The following RALGAPA1 variants were observed in gnomAD, a reference collection of about 807,000 sequenced individuals.
RALGAPA1 encodes ral GTPase-activating protein subunit alpha-1.
RALGAPA1 carries 52 observed loss-of-function variants against 269.6 expected under a neutral mutation model. The observed-to-expected ratio is 0.19, with a 90% CI of 0.15 to 0.24. The LOEUF is 0.24. RALGAPA1 is among the 10% of genes least tolerant of loss of function. The probability of loss-of-function intolerance (pLI) is 1.00; values close to 1 mark genes in which losing one functional copy is unlikely to be tolerated. For missense variants in RALGAPA1, 1,917 were observed against 3,013.9 expected, an observed-to-expected ratio of 0.64 and a Z score of 8.52; for synonymous variants, 817 against 1,008.3, an observed-to-expected ratio of 0.81 and a Z score of 3.60.
At chr14:35,582,506 C>T (rs564811401) in intron 37 of RALGAPA1, among the ~76,000 whole-genome samples, 19 of 152,294 alleles carry the variant, frequency 1.2e-4, no homozygotes, top group African/African-American at 4.6e-4. Context: ...CAGATAATTA[C>T]AGCTGACTGA....
intron 36 of RALGAPA1, 28 bp downstream of exon 36, chr14:35,605,558 A>C: frequency 6.4e-7 from 1 of 1,552,974 alleles, no homozygotes; most frequent in South Asian, 1.3e-5. Flanking sequence ...TCCAAATATA[A>C]ATATTTCGTA....
At chr14:35,742,205 A>C (rs192051935) in intron 11 of RALGAPA1, among the ~76,000 whole-genome samples, 163 bp downstream of exon 11, 26 of 152,354 alleles carry the variant, frequency 1.7e-4, no homozygotes, top group African/African-American at 6.0e-4. Context: ...GCTATACGGT[A>C]CTGAGATGAC....
intron 30 of RALGAPA1, among the ~76,000 whole-genome samples, chr14:35,652,409 A>T (rs1291301073): frequency 1.3e-5 from 2 of 151,394 alleles, no homozygotes; most frequent in South Asian, 2.1e-4. Flanking sequence ...AGGCTTTTTT[A>T]AAAATGTGAC....
chr14:35,750,830 C>G (rs2072613890), intron 8 of RALGAPA1, 140 bp from the exon 9 acceptor site: 1 of 706,222 alleles, frequency 1.4e-6, no homozygotes, highest in African/African-American at 1.8e-5. Context: ...AATGACATTT[C>G]AAAATTTGCC....
chr14:35,669,160 T>G (rs893015955), intron 26 of RALGAPA1, among the ~76,000 whole-genome samples: 1 of 152,246 alleles, frequency 6.6e-6, no homozygotes, highest in African/African-American at 2.4e-5. Context: ...CACCAAATAA[T>G]TTTAACAAAC....
chr14:35,715,382 T>C (rs963844456), intron 16 of RALGAPA1, among the ~76,000 whole-genome samples: 13 of 152,324 alleles, frequency 8.5e-5, no homozygotes, highest in African/African-American at 3.1e-4. Flanking sequence ...CAAAGTTCTA[T>C]TTGATTCTTT....
At chr14:35,734,643 G>A (rs1375951818) in intron 12 of RALGAPA1, among the ~76,000 whole-genome samples, 3 of 152,076 alleles carry the variant, frequency 2.0e-5, no homozygotes, top group African/African-American at 7.2e-5. Context: ...CATTGGCTTA[G>A]GCAAGGATTT....
rs34164383 is a variant in RALGAPA1 at position 35,781,575 on chromosome 14, A to AATCT, written c.107-5834_107-5831dup. On this transcript the variant is annotated intron_variant, in intron 1 of 41. Transcript: ENST00000680220. ...TCCTCAACAAAATACTAGAAAACTG[A>AATCT]ATCTATCTATCTATCTATCTATCTA... 1.1e-3 allele frequency among the ~76,000 whole-genome samples: 171 copies of AATCT among 150,842 alleles called. 1 individual carries two copies. The highest frequency in any genetic ancestry group is 6.8e-3 in the Middle Eastern group (2 of 294).
chr14:35,634,460 A>T, intron 33 of RALGAPA1, 114 bp downstream of exon 33: 2 of 749,396 alleles, frequency 2.7e-6, no homozygotes, highest in Non-Finnish European at 4.0e-6. Flanking sequence ...ATACATGGTT[A>T]AACAACTACA....
chr14:35,551,124 T>C (rs1192200189), intron 39 of RALGAPA1, among the ~76,000 whole-genome samples: 2 of 152,164 alleles, frequency 1.3e-5, no homozygotes, highest in African/African-American at 4.8e-5. Context: ...ATACTGGCCT[T>C]TGTGTATTAC....
intron 13 of RALGAPA1, among the ~76,000 whole-genome samples, chr14:35,726,807 C>G (rs1280527725): frequency 6.6e-6 from 1 of 152,124 alleles, no homozygotes; most frequent in African/African-American, 2.4e-5. Flanking sequence ...AGATAATTGT[C>G]CAATGTAGTT....
intron 12 of RALGAPA1, among the ~76,000 whole-genome samples, chr14:35,729,319 C>T (rs2070253213): frequency 1.3e-5 from 2 of 151,964 alleles, no homozygotes; most frequent in Admixed American, 1.3e-4. Context: ...AAGCATTCAA[C>T]ACTTATGACT....
chr14:35,733,269 G>C (rs2070675976), intron 12 of RALGAPA1, among the ~76,000 whole-genome samples: 1 of 152,040 alleles, frequency 6.6e-6, no homozygotes, highest in African/African-American at 2.4e-5. Flanking sequence ...CCTGAGTGTG[G>C]GAGTTCAAGA....
intron 1 of RALGAPA1, among the ~76,000 whole-genome samples, chr14:35,798,203 G>A (rs568410342): frequency 9.2e-4 from 136 of 148,404 alleles, no homozygotes; most frequent in Non-Finnish European, 1.7e-3. Flanking sequence ...ACCCGGTCTT[G>A]GACTGTCGCC....
intron 1 of RALGAPA1, among the ~76,000 whole-genome samples, chr14:35,795,518 T>C (rs2076496959): frequency 6.6e-6 from 1 of 152,050 alleles, no homozygotes; most frequent in Non-Finnish European, 1.5e-5. Context: ...AAAAATAAAA[T>C]CTCATAATTT....
rs180814423 is a variant in RALGAPA1 at position 35,794,792 on chromosome 14, A to C, written c.106+13938T>G. On this transcript the variant is annotated intron_variant, in intron 1 of 41. Transcript: ENST00000680220. ...TTTTAAGTCATTTATTTAATAAAATATACAATCTGTATTTATGTATTGCCA... is the reference window on the plus strand; with the variant it reads ...TTTTAAGTCATTTATTTAATAAAATCTACAATCTGTATTTATGTATTGCCA... 2.5e-3 allele frequency among the ~76,000 whole-genome samples: 376 copies of C among 152,324 alleles called. 2 individuals are homozygous for C. Among genetic ancestry groups the C allele is most frequent in the African/African-American group, 8.7e-3 (360 of 41,564 alleles).
intron 10 of RALGAPA1, among the ~76,000 whole-genome samples, chr14:35,746,665 G>C (rs1445993128): frequency 2.6e-5 from 4 of 152,016 alleles, no homozygotes; most frequent in Non-Finnish European, 5.9e-5. Context: ...ATTCTAAATA[G>C]AAGATCTGAA....
intron 31 of RALGAPA1, among the ~76,000 whole-genome samples, chr14:35,650,488 C>T (rs2062751623): frequency 6.6e-6 from 1 of 152,046 alleles, no homozygotes; most frequent in Non-Finnish European, 1.5e-5. Context: ...AAGAGCTAAA[C>T]AATCTGTTCA....
chr14:35,688,103 A>G lies in RALGAPA1; in HGVS notation c.3952+356T>C, dbSNP rs138089832. ...TTAAACTATAGTGGGGTGGGGAAGA[A>G]AGCATAGTAACTCCTTGATAATCTT... is the stretch of plus-strand genomic sequence containing the variant. On this transcript the variant is annotated intron_variant, in intron 18 of 41. Coordinates refer to ENST00000680220, the MANE Select transcript of RALGAPA1 (RefSeq NM_001346249.2). 5.2e-3 allele frequency among the ~76,000 whole-genome samples: 789 copies of G among 152,338 alleles called. 10 individuals are homozygous for G. The highest frequency in any genetic ancestry group is 0.018 in the African/African-American group (736 of 41,564).
Sources: gnomAD v4.1 joint callset for allele counts (sites outside exome capture counted in the v4.1 genomes callset) on GRCh38, gnomAD v4.1.1 for gene constraint, MANE v1.5 for transcripts, NCBI Gene and HGNC (gene_info 2026-07-23, HGNC 2026-07-21) for gene names.